NYAP2: variants seen among roughly 807,000 people sequenced by gnomAD.
The protein encoded by NYAP2 is neuronal tyrosine-phosphorylated phosphoinositide-3-kinase adaptor 2.
A neutral mutation model predicts 50.4 loss-of-function variants in NYAP2; 23 were observed. That is an observed-to-expected ratio of 0.46 (90% CI 0.33 to 0.65). The LOEUF is 0.65. Ranked by LOEUF, NYAP2 falls within the 30% of genes least tolerant of loss-of-function variation. The pLI, the probability that NYAP2 is intolerant of heterozygous loss-of-function variation, is 0.02. For synonymous variants in NYAP2, 394 were observed against 365.2 expected, an observed-to-expected ratio of 1.08 and a Z score of -0.90; for missense variants, 885 against 861.0, an observed-to-expected ratio of 1.03 and a Z score of -0.35.
chr2:225,424,271 A>G (rs1350851856), intron 3 of NYAP2, among the ~76,000 whole-genome samples: 1 of 152,162 alleles, frequency 6.6e-6, no homozygotes, highest in Non-Finnish European at 1.5e-5. Flanking sequence ...CTGAGGTATA[A>G]GTAAGTCAAA....
chr2:225,505,124 G>A (rs1559198273), intron 3 of NYAP2, among the ~76,000 whole-genome samples: 1 of 150,900 alleles, frequency 6.6e-6, no homozygotes, highest in Non-Finnish European at 1.5e-5. Flanking sequence ...ATTTTATTTT[G>A]TTTTTCTATA....
intron 6 of NYAP2, among the ~76,000 whole-genome samples, chr2:225,638,379 G>A (rs1693464225): frequency 6.6e-6 from 1 of 152,068 alleles, no homozygotes; most frequent in East Asian, 1.9e-4. Flanking sequence ...GAAGGAAAAA[G>A]CACAAGAGAC....
the NYAP2 span, chr2:225,701,384 T>G: frequency 4.6e-5 from 7 of 151,794 alleles, no homozygotes; most frequent in Non-Finnish European, 1.0e-4. Context: ...AAAGAGCTCA[T>G]ACTTATGAAA....
intron 5 of NYAP2, among the ~76,000 whole-genome samples, chr2:225,614,455 T>G (rs983112979): frequency 2.0e-5 from 3 of 152,176 alleles, no homozygotes; most frequent in African/African-American, 4.8e-5. Context: ...ATTCTAGAGA[T>G]TCAACTACTT....
chr2:225,472,327 A>C (rs1690025186), intron 3 of NYAP2, among the ~76,000 whole-genome samples: 1 of 152,256 alleles, frequency 6.6e-6, no homozygotes, highest in East Asian at 1.9e-4. Context: ...TTCAGCCAGC[A>C]GCAAGTAAGA....
At chr2:225,435,058 C>A (rs776792551) in intron 3 of NYAP2, among the ~76,000 whole-genome samples, 1 of 152,170 alleles carries the variant, frequency 6.6e-6, no homozygotes. Context: ...TGGTACTACT[C>A]TTCCTGCATT....
At chr2:225,448,396 G>A (rs1689597045) in intron 3 of NYAP2, among the ~76,000 whole-genome samples, 2 of 152,120 alleles carry the variant, frequency 1.3e-5, no homozygotes, top group South Asian at 2.1e-4. Context: ...AAATATTAAG[G>A]GGATGGAAGT....
At chr2:225,424,817 G>A (rs1267674388) in intron 3 of NYAP2, among the ~76,000 whole-genome samples, 1 of 152,084 alleles carries the variant, frequency 6.6e-6, no homozygotes, top group Admixed American at 6.6e-5. Context: ...AGAAATGTTA[G>A]CCCGTTCACT....
At chr2:225,457,238 A>G (rs1029206029) in intron 3 of NYAP2, among the ~76,000 whole-genome samples, 4 of 152,208 alleles carry the variant, frequency 2.6e-5, no homozygotes, top group Non-Finnish European at 5.9e-5. Flanking sequence ...TTCTGAAACT[A>G]GTGCAGAATA....
chr2:225,688,233 C>T, the NYAP2 span, among the ~76,000 whole-genome samples: 3 of 152,138 alleles, frequency 2.0e-5, no homozygotes, highest in African/African-American at 4.8e-5. Flanking sequence ...TTAGATGCCT[C>T]CTGGGGTTTA....
At chr2:225,530,276 C>T (rs1375024953) in intron 4 of NYAP2, among the ~76,000 whole-genome samples, 4 of 152,102 alleles carry the variant, frequency 2.6e-5, no homozygotes, top group Non-Finnish European at 4.4e-5. Context: ...CTCCTTCAGG[C>T]CACCGTCCTG....
intron 3 of NYAP2, among the ~76,000 whole-genome samples, chr2:225,457,112 C>T (rs900441818): frequency 5.9e-5 from 9 of 152,176 alleles, no homozygotes; most frequent in Non-Finnish European, 7.3e-5. Context: ...GTTTATTTAT[C>T]GAGCCCATAT....
chr2:225,426,229 A>G (rs1695285987), intron 3 of NYAP2, among the ~76,000 whole-genome samples: 1 of 152,060 alleles, frequency 6.6e-6, no homozygotes, highest in African/African-American at 2.4e-5. Flanking sequence ...ACTTCCTTCC[A>G]AGCCACATTT....
chr2:225,521,416 T>C (rs1163160879), intron 4 of NYAP2, among the ~76,000 whole-genome samples: 2 of 151,000 alleles, frequency 1.3e-5, no homozygotes, highest in Non-Finnish European at 3.0e-5. Flanking sequence ...GGGTTTGTCA[T>C]AGATAGCTCT....
chr2:225,420,912 T>C (rs1695205908), intron 3 of NYAP2, among the ~76,000 whole-genome samples: 1 of 152,104 alleles, frequency 6.6e-6, no homozygotes, highest in Admixed American at 6.5e-5. Flanking sequence ...GGGATTCTTA[T>C]TTTATTTATT....
At chr2:225,586,366 A>C (rs1160506331) in intron 5 of NYAP2, among the ~76,000 whole-genome samples, 1 of 152,144 alleles carries the variant, frequency 6.6e-6, no homozygotes, top group Non-Finnish European at 1.5e-5. Context: ...TGTTATAGGA[A>C]GTGTTTTTTC....
At chr2:225,443,897 A>G (rs1353538853) in intron 3 of NYAP2, among the ~76,000 whole-genome samples, 4 of 152,238 alleles carry the variant, frequency 2.6e-5, no homozygotes, top group African/African-American at 4.8e-5. Flanking sequence ...TTGAGTCGAC[A>G]TACTTTTCCA....
chr2:225,502,716 C>A (rs1690628227), intron 3 of NYAP2, among the ~76,000 whole-genome samples: 1 of 152,236 alleles, frequency 6.6e-6, no homozygotes, highest in Admixed American at 6.5e-5. Flanking sequence ...GAAGCCACAT[C>A]TTCCCATGGG....
intron 4 of NYAP2, among the ~76,000 whole-genome samples, chr2:225,553,980 A>T (rs1691727902): frequency 6.6e-6 from 1 of 152,174 alleles, no homozygotes; most frequent in Admixed American, 6.5e-5. Flanking sequence ...AGTTTGCCCC[A>T]TTGCACTCCA....
Sources: gnomAD v4.1 joint callset for allele counts (sites outside exome capture counted in the v4.1 genomes callset) on GRCh38, gnomAD v4.1.1 for gene constraint, MANE v1.5 for transcripts, NCBI Gene and HGNC (gene_info 2026-07-23, HGNC 2026-07-21) for gene names.